The following ANKS1B variants were observed in gnomAD, a reference collection of about 807,000 sequenced individuals.
The protein encoded by ANKS1B is ankyrin repeat and sterile alpha motif domain-containing protein 1B.
A neutral mutation model predicts 148.3 loss-of-function variants in ANKS1B; 36 were observed. The ratio of observed to expected loss-of-function variants is 0.24; its 90% CI spans 0.19 to 0.32. The LOEUF (loss-of-function observed/expected upper bound fraction) is 0.32, where lower values mean the gene tolerates loss of function less well. Ranked by LOEUF, ANKS1B falls within the 10% of genes least tolerant of loss-of-function variation. ANKS1B has a pLI of 1.00. For synonymous variants in ANKS1B, 542 were observed against 560.8 expected, an observed-to-expected ratio of 0.97 and a Z score of 0.47; for missense variants, 1,157 against 1,542.6, an observed-to-expected ratio of 0.75 and a Z score of 4.19.
chr12:98,927,690 T>G (rs1007423687), intron 17 of ANKS1B, among the ~76,000 whole-genome samples: 2 of 151,804 alleles, frequency 1.3e-5, no homozygotes, highest in Non-Finnish European at 2.9e-5. Context: ...TAATTGACGG[T>G]AAATTGGTAT....
At chr12:99,005,327 C>T (rs765305322) in intron 17 of ANKS1B, among the ~76,000 whole-genome samples, 4 of 152,000 alleles carry the variant, frequency 2.6e-5, no homozygotes, top group South Asian at 2.1e-4. Flanking sequence ...ATGTCAGAAT[C>T]GCCCTGCACA....
At chr12:99,458,579 A>C (rs2152844817) in intron 10 of ANKS1B, among the ~76,000 whole-genome samples, 1 of 152,220 alleles carries the variant, frequency 6.6e-6, no homozygotes, top group South Asian at 2.1e-4. Flanking sequence ...AACAGGAGAT[A>C]TTACAACCAA....
At chr12:99,652,856 T>TATCAAC (rs2098430141) in intron 9 of ANKS1B, among the ~76,000 whole-genome samples, 1 of 152,112 alleles carries the variant, frequency 6.6e-6, no homozygotes, top group African/African-American at 2.4e-5. Context: ...GAAAACTAGA[T>TATCAAC]ATCAACAAGC....
chr12:99,271,691 T>TATATATATATATATATA (rs1266274898), intron 12 of ANKS1B, among the ~76,000 whole-genome samples: 3 of 144,322 alleles, frequency 2.1e-5, no homozygotes, highest in Non-Finnish European at 4.5e-5. Flanking sequence ...TATATATATA[T>TATATATATATATATATA]ATTTACTAAA....
chr12:98,885,481 T>C lies in ANKS1B; in HGVS notation c.2779-53345A>G, dbSNP rs902578597. 3.3e-5 allele frequency among the ~76,000 whole-genome samples: 5 copies of C among 152,104 alleles called. No individual in the cohort carries two copies. In the East Asian group the frequency reaches 5.8e-4, roughly 18 times the overall value. On this transcript the variant is annotated intron_variant, in intron 17 of 26. Coordinates refer to ENST00000683438, the MANE Select transcript of ANKS1B (RefSeq NM_001352186.2). Reference sequence around the variant, plus strand: ...GTTTCCTTTTACTACTAAGGAGTAATAGGAACATGTGCAATGAAAGAAGAA... The same window carrying C: ...GTTTCCTTTTACTACTAAGGAGTAACAGGAACATGTGCAATGAAAGAAGAA...
chr12:99,643,980 G>T (rs1038828221), intron 9 of ANKS1B, among the ~76,000 whole-genome samples: 1 of 152,168 alleles, frequency 6.6e-6, no homozygotes, highest in Non-Finnish European at 1.5e-5. Flanking sequence ...AATCTGGATA[G>T]ATTGAGAATG....
intron 2 of ANKS1B, among the ~76,000 whole-genome samples, chr12:99,814,602 C>T (rs1483712883): frequency 1.3e-5 from 2 of 151,680 alleles, no homozygotes; most frequent in Non-Finnish European, 3.0e-5. Flanking sequence ...GAATTCAATA[C>T]CTATGAATAA....
chr12:99,411,789 TCTTA>T (rs2094716915), intron 11 of ANKS1B, among the ~76,000 whole-genome samples: 2 of 152,194 alleles, frequency 1.3e-5, no homozygotes, highest in South Asian at 4.1e-4. Flanking sequence ...CATCACACTC[TCTTA>T]CTTACTGTAT....
At position 99,400,939 on chromosome 12, in the gene ANKS1B, T is replaced by C. The variant is rs913698262; in HGVS notation, c.1576-1128A>G. ...TTTCTTCCAAGTAGATATCATTTAA[T>C]CTATAATCTAAAATAGACAATCATA... On this transcript the variant is annotated intron_variant, in intron 11 of 26. Transcript: ENST00000683438. Among the ~76,000 whole-genome samples, 24 of 145,698 alleles carry C rather than the reference T, an allele frequency of 1.6e-4. 6 individuals are homozygous for C. The highest frequency in any genetic ancestry group is 6.3e-4 in the African/African-American group (24 of 38,382).
intron 9 of ANKS1B, among the ~76,000 whole-genome samples, chr12:99,507,535 T>A (rs562834437): frequency 6.6e-6 from 1 of 151,958 alleles, no homozygotes; most frequent in African/African-American, 2.4e-5. Context: ...ACTCTGTGAA[T>A]GTGTGTGGAC....
intron 1 of ANKS1B, among the ~76,000 whole-genome samples, chr12:99,958,728 G>T (rs1474772312): frequency 6.6e-6 from 1 of 152,092 alleles, no homozygotes; most frequent in East Asian, 1.9e-4. Flanking sequence ...TGTTTATAAT[G>T]GCAGAGGAGG....
chr12:99,029,057 G>A (rs955093945), intron 17 of ANKS1B, among the ~76,000 whole-genome samples: 24 of 152,198 alleles, frequency 1.6e-4, no homozygotes, highest in Non-Finnish European at 3.1e-4. Context: ...TCTAAACTGA[G>A]AGCTGTAGTT....
At chr12:98,884,251 C>A (rs1302239282) in intron 17 of ANKS1B, among the ~76,000 whole-genome samples, 7 of 152,180 alleles carry the variant, frequency 4.6e-5, no homozygotes, top group African/African-American at 1.7e-4. Context: ...CTCTGAGTTA[C>A]ATTTTCACTA....
intron 16 of ANKS1B, among the ~76,000 whole-genome samples, chr12:99,053,659 G>A (rs1025688506): frequency 1.3e-5 from 2 of 152,224 alleles, no homozygotes; most frequent in African/African-American, 4.8e-5. Flanking sequence ...CGATGCGAAA[G>A]TCACCAGGAA....
intron 17 of ANKS1B, among the ~76,000 whole-genome samples, chr12:99,026,966 C>T (rs1301697081): frequency 2.6e-5 from 4 of 152,116 alleles, no homozygotes; most frequent in African/African-American, 9.7e-5. Flanking sequence ...GGGATGAATC[C>T]TTTTGTAAAG....
intron 9 of ANKS1B, among the ~76,000 whole-genome samples, chr12:99,506,729 T>C (rs1404621409): frequency 1.3e-5 from 2 of 151,960 alleles, no homozygotes; most frequent in Non-Finnish European, 2.9e-5. Context: ...GAAGGGCAAA[T>C]TTGGCTCAAT....
chr12:98,935,607 G>A (rs2099817927), intron 17 of ANKS1B, among the ~76,000 whole-genome samples: 1 of 152,134 alleles, frequency 6.6e-6, no homozygotes, highest in Admixed American at 6.5e-5. Flanking sequence ...TTGGTCCTGG[G>A]ATTTTCTTTG....
At chr12:98,778,521 C>T (rs1485383193) in intron 24 of ANKS1B, among the ~76,000 whole-genome samples, 1 of 152,174 alleles carries the variant, frequency 6.6e-6, no homozygotes, top group Non-Finnish European at 1.5e-5. Flanking sequence ...GGGGGAAATC[C>T]CTGGTGAAAA....
chr12:99,000,268 C>CTTT (rs905457820), intron 17 of ANKS1B, among the ~76,000 whole-genome samples: 8 of 125,462 alleles, frequency 6.4e-5, no homozygotes, highest in African/African-American at 9.2e-5. Context: ...TTTCTTTTTC[C>CTTT]TTTTTTTTTT....
Sources: allele counts gnomAD v4.1 joint callset (sites outside exome capture counted in the v4.1 genomes callset), GRCh38; gene constraint gnomAD v4.1.1; transcripts MANE v1.5; gene names NCBI Gene and HGNC (gene_info 2026-07-23, HGNC 2026-07-21).